MYO10: variants seen among roughly 807,000 people sequenced by gnomAD.
The protein encoded by MYO10 is unconventional myosin-X.
A neutral mutation model predicts 257.3 loss-of-function variants in MYO10; 133 were observed. The observed-to-expected ratio is 0.52, with a 90% CI of 0.45 to 0.60. The LOEUF is 0.60. Ranked by LOEUF, MYO10 falls within the 20% of genes least tolerant of loss-of-function variation. The pLI, the probability that MYO10 is intolerant of heterozygous loss-of-function variation, is 0.00. For synonymous variants in MYO10, 1,104 were observed against 1,028.6 expected (o/e 1.07, Z -1.40); for missense variants, 2,399 against 2,635.7 (o/e 0.91, Z 1.97).
At chr5:16,719,384 CA>C (rs1332189091) in intron 19 of MYO10, among the ~76,000 whole-genome samples, 1 of 152,180 alleles carries the variant, frequency 6.6e-6, no homozygotes, top group Non-Finnish European at 1.5e-5. Context: ...TGAGATGACA[CA>C]CCACAGTGGA....
intron 1 of MYO10, among the ~76,000 whole-genome samples, chr5:16,922,625 G>A (rs1431776293): frequency 6.6e-6 from 1 of 152,174 alleles, no homozygotes; most frequent in Non-Finnish European, 1.5e-5. Context: ...CAGGTCCATG[G>A]TCACCGTCTT....
intron 28 of MYO10, among the ~76,000 whole-genome samples, chr5:16,687,343 G>A (rs1424469257): frequency 6.6e-6 from 1 of 150,800 alleles, no homozygotes; most frequent in East Asian, 2.0e-4. Flanking sequence ...AATACAAAAC[G>A]AAACAAAACA....
In MYO10 at chr5:16,701,710, T is replaced by C. The variant is rs1579859537; in HGVS notation, c.2685A>G (p.Lys895=). Residue 895 remains lysine, a synonymous_variant, in exon 25 of 41, where the codon AAA becomes AAG. Transcript: ENST00000513610. This position sits in a 1 kb window ranked among gnomAD's most constrained non-coding sequence, Gnocchi z 8.1. The part of the protein sequence containing the change: ...KQVEEILRLE[K]EIEDLQRMKE... ...TCATGCGCTGCAGGTCCTCGATTTC[T>C]TTCTCCAGACGGAGGATCTCTTCCA... The C allele has an allele frequency of 9.3e-6, 15 of 1,613,916 alleles. No individual in the cohort carries two copies. The East Asian group carries it at 3.1e-4, about 34-fold the overall frequency.
At chr5:16,889,911 G>T (rs935718398) in intron 1 of MYO10, among the ~76,000 whole-genome samples, 10 of 151,592 alleles carry the variant, frequency 6.6e-5, no homozygotes, top group African/African-American at 2.4e-4. Context: ...GAGGGGGAGA[G>T]AAATGCCTAC....
At chr5:16,909,317 A>G (rs1428102138) in intron 1 of MYO10, among the ~76,000 whole-genome samples, 1 of 151,950 alleles carries the variant, frequency 6.6e-6, no homozygotes, top group Admixed American at 6.6e-5. Context: ...GACCAGCCTG[A>G]CCACATGGTG....
At chr5:16,744,785 T>TA (rs572849530) in intron 19 of MYO10, among the ~76,000 whole-genome samples, 2,115 of 145,458 alleles carry the variant, frequency 0.015, 39 homozygotes, top group African/African-American at 0.046. Context: ...AGCAAAGCTC[T>TA]AAAAAAAAAA....
chr5:16,735,672 G>A (rs1204578597), intron 19 of MYO10, among the ~76,000 whole-genome samples: 2 of 145,252 alleles, frequency 1.4e-5, no homozygotes, highest in Non-Finnish European at 1.5e-5. Flanking sequence ...TAGCCTAGGC[G>A]ACAGAGCCTC....
intron 12 of MYO10, 124 bp from the exon 13 acceptor site, chr5:16,763,879 T>C: frequency 1.4e-6 from 1 of 702,290 alleles, no homozygotes; most frequent in Non-Finnish European, 2.4e-6. Context: ...GCACAGTGGC[T>C]CACACCTGTT....
intron 2 of MYO10, among the ~76,000 whole-genome samples, chr5:16,833,814 C>A (rs142257327): frequency 1.4e-3 from 207 of 152,244 alleles, no homozygotes; most frequent in Non-Finnish European, 2.4e-3. Flanking sequence ...TTAGTGCAAA[C>A]AGAGTGAGAT....
intron 2 of MYO10, among the ~76,000 whole-genome samples, chr5:16,829,756 C>A (rs962522355): frequency 1.3e-5 from 2 of 152,098 alleles, no homozygotes; most frequent in African/African-American, 4.8e-5. Flanking sequence ...ACGCAACGAA[C>A]ACACTTTCAC....
intron 19 of MYO10, among the ~76,000 whole-genome samples, chr5:16,729,533 G>A (rs1165378142): frequency 6.6e-6 from 1 of 150,666 alleles, no homozygotes; most frequent in Non-Finnish European, 1.5e-5. Context: ...CTCACTGCAA[G>A]TTCTGCCTCC....
At chr5:16,838,138 T>C (rs559109273) in intron 2 of MYO10, among the ~76,000 whole-genome samples, 15 of 152,206 alleles carry the variant, frequency 9.9e-5, no homozygotes, top group Admixed American at 2.0e-4. Context: ...CCACTAAATG[T>C]TCAAGTAAAA....
chr5:16,891,655 CAG>C (rs1277489214), intron 1 of MYO10, among the ~76,000 whole-genome samples: 1 of 152,070 alleles, frequency 6.6e-6, no homozygotes, highest in Non-Finnish European at 1.5e-5. Flanking sequence ...TTAAAAGAGA[CAG>C]GGAGGGAGAG....
At chr5:16,905,680 T>C (rs1745500742) in intron 1 of MYO10, among the ~76,000 whole-genome samples, 1 of 152,182 alleles carries the variant, frequency 6.6e-6, no homozygotes, top group Non-Finnish European at 1.5e-5. Context: ...CAAATACATG[T>C]TGTGGCTCTC....
rs556066101 is a variant in MYO10 at position 16,665,928 on chromosome 5, C to G, written c.*764G>C. On this transcript the variant is annotated 3_prime_UTR_variant, in exon 41 of 41. Coordinates refer to ENST00000513610, the MANE Select transcript of MYO10 (RefSeq NM_012334.3). ...CAAAATACAGCAAAGACAGGAAAAT[C>G]CAGGATTTGGGTTTGTTAATAAAAC... The G allele has an allele frequency of 6.6e-6, 1 of 152,546 alleles. No homozygotes were observed. The highest frequency in any genetic ancestry group is 1.5e-5 in the Non-Finnish European group (1 of 68,026). 9.4% of individuals were successfully genotyped at this position (152,546 alleles called of 1,614,324 possible).
At chr5:16,793,998 G>A (rs976373185) in intron 4 of MYO10, among the ~76,000 whole-genome samples, 2 of 151,874 alleles carry the variant, frequency 1.3e-5, no homozygotes, top group Non-Finnish European at 2.9e-5. Flanking sequence ...GCTGATATTG[G>A]GGCTCCTAAT....
rs372130263 is a variant in MYO10 at position 16,717,217 on chromosome 5, T to C, written c.1930-5972A>G. ...AGCTTTGCGTTCCTGAAAACTAGCA[T>C]GTAAATCAAACTCGTATGCATCAAA... On this transcript the variant is annotated intron_variant, in intron 19 of 40. Coordinates refer to ENST00000513610, the MANE Select transcript of MYO10 (RefSeq NM_012334.3). 9.6e-4 allele frequency among the ~76,000 whole-genome samples: 147 copies of C among 152,350 alleles called. 2 individuals carry two copies. The highest frequency in any genetic ancestry group is 3.3e-3 in the African/African-American group (137 of 41,586).
intron 19 of MYO10, among the ~76,000 whole-genome samples, chr5:16,718,678 C>G (rs1305322205): frequency 1.3e-5 from 2 of 151,862 alleles, no homozygotes; most frequent in Non-Finnish European, 2.9e-5. Flanking sequence ...GTGCACCAAT[C>G]GACACTCTGT....
chr5:16,889,549 AG>A (rs1744991876), intron 1 of MYO10, among the ~76,000 whole-genome samples: 2 of 151,100 alleles, frequency 1.3e-5, no homozygotes, highest in Admixed American at 6.6e-5. Flanking sequence ...GACGAAAGGA[AG>A]GAAAGGAAGG....
Sources: allele counts gnomAD v4.1 joint callset (sites outside exome capture counted in the v4.1 genomes callset), GRCh38; gene constraint gnomAD v4.1.1; non-coding constraint Gnocchi (gnomAD v3.1); transcripts MANE v1.5; gene names NCBI Gene and HGNC (gene_info 2026-07-23, HGNC 2026-07-21).